The following ZNF827 variants were observed in gnomAD, a reference collection of about 807,000 sequenced individuals.
The protein encoded by ZNF827 is zinc finger protein 827.
In ZNF827, 13 loss-of-function variants were observed where a neutral mutation model predicts 102.4. The observed-to-expected ratio is 0.13, with a 90% CI of 0.08 to 0.20. The LOEUF is 0.20. Ranked by LOEUF, ZNF827 falls within the 10% of genes least tolerant of loss-of-function variation. The pLI is 1.00. For missense variants in ZNF827, 1,103 were observed against 1,344.4 expected, an observed-to-expected ratio of 0.82 and a Z score of 2.81; for synonymous variants, 523 against 536.2, an observed-to-expected ratio of 0.98 and a Z score of 0.34.
At chr4:145,905,293 T>C (rs1341744514) in intron 1 of ZNF827, among the ~76,000 whole-genome samples, 1 of 152,188 alleles carries the variant, frequency 6.6e-6, no homozygotes, top group Non-Finnish European at 1.5e-5. Context: ...GAAATAGAAG[T>C]AACTAGAACT....
At chr4:145,794,058 C>T (rs1186744981) in intron 8 of ZNF827, among the ~76,000 whole-genome samples, 4 of 152,178 alleles carry the variant, frequency 2.6e-5, no homozygotes, top group African/African-American at 9.7e-5. Flanking sequence ...CAGAACTAAT[C>T]GGTCTTCAAC....
At chr4:145,869,837 T>C (rs1408665937) in intron 5 of ZNF827, among the ~76,000 whole-genome samples, 2 of 152,194 alleles carry the variant, frequency 1.3e-5, no homozygotes, top group Non-Finnish European at 2.9e-5. Context: ...TTAAGAAAAA[T>C]ATTTGTAATG....
intron 8 of ZNF827, among the ~76,000 whole-genome samples, chr4:145,803,412 A>G (rs1741110133): frequency 1.3e-5 from 2 of 152,176 alleles, no homozygotes; most frequent in South Asian, 4.2e-4. Flanking sequence ...GCTGGTTACC[A>G]CCAAGAGGCT....
intron 1 of ZNF827, among the ~76,000 whole-genome samples, chr4:145,907,850 A>C (rs1751990808): frequency 6.6e-6 from 1 of 152,250 alleles, no homozygotes; most frequent in African/African-American, 2.4e-5. Flanking sequence ...TCAGAAACAC[A>C]AAGAATTAAG....
At chr4:145,901,161 CATT>C (rs1751378493) in intron 2 of ZNF827, among the ~76,000 whole-genome samples, 1 of 152,202 alleles carries the variant, frequency 6.6e-6, no homozygotes, top group African/African-American at 2.4e-5. Context: ...CCCTCTTCAT[CATT>C]GTTGCTGAAA....
At chr4:145,827,287 T>C (rs551475556) in intron 7 of ZNF827, among the ~76,000 whole-genome samples, 1 of 151,934 alleles carries the variant, frequency 6.6e-6, no homozygotes, top group South Asian at 2.1e-4. Context: ...TTGCAACAAA[T>C]GGAGAAAAGG....
intron 8 of ZNF827, among the ~76,000 whole-genome samples, chr4:145,822,002 G>A (rs142418907): frequency 6.6e-6 from 1 of 152,270 alleles, no homozygotes; most frequent in Non-Finnish European, 1.5e-5. Flanking sequence ...ACATTAGAAA[G>A]TCACAATCCA....
At chr4:145,898,978 A>G (rs1751194202) in intron 2 of ZNF827, among the ~76,000 whole-genome samples, 1 of 152,114 alleles carries the variant, frequency 6.6e-6, no homozygotes, top group African/African-American at 2.4e-5. Flanking sequence ...CTTTTTAAAA[A>G]TGAAAGCCCT....
chr4:145,773,841 G>C (rs1441023730), intron 11 of ZNF827, among the ~76,000 whole-genome samples: 1 of 152,154 alleles, frequency 6.6e-6, no homozygotes, highest in African/African-American at 2.4e-5. Context: ...AGTTTCACTG[G>C]AGAGGAACAG....
At chr4:145,918,332 CAAAAA>C (rs34428145) in intron 1 of ZNF827, among the ~76,000 whole-genome samples, 4 of 22,142 alleles carry the variant, frequency 1.8e-4, no homozygotes, top group Non-Finnish European at 2.9e-4. Context: ...TAGCTCAAGG[CAAAAA>C]AAAAAAAAAA....
Position 145,885,901 on chromosome 4 carries a change from C to T in ZNF827, c.1524G>A (p.Glu508=). 1 of 1,614,238 alleles carries T rather than the reference C, an allele frequency of 6.2e-7. No individual in the cohort carries two copies. The highest frequency in any genetic ancestry group is 1.6e-4 in the Middle Eastern group (1 of 6,062). The change falls in exon 4 of 15, where the codon GAG becomes GAA. Residue 508 remains glutamate (E), a synonymous_variant. Transcript: ENST00000508784. The part of the protein sequence containing the change: ...VGTMMTSNTP[E]RTSQGGAGVS... The stretch of plus-strand genomic sequence containing the variant: ...CGCCAGCCCCTCCCTGGCTAGTCCT[C>T]TCTGGAGTGTTAGACGTCATCATGG...
At chr4:145,865,455 C>G (rs1664753418) in intron 5 of ZNF827, among the ~76,000 whole-genome samples, 1 of 152,108 alleles carries the variant, frequency 6.6e-6, no homozygotes, top group African/African-American at 2.4e-5. Context: ...GTCAGAATCG[C>G]TAGGAGGGCT....
chr4:145,823,429 T>A lies in ZNF827; in HGVS notation c.2376A>T (p.Ser792=). The change falls in exon 8 of 15, where the codon TCA becomes TCT. Residue 792 remains serine, a synonymous_variant. Transcript: ENST00000508784. The part of the protein sequence containing the change: ...PSDSVLHGRI[S]APETEKIVLE... Reference sequence around the variant, plus strand: ...CCAACAATGTTTCCATACCTGGAGCTGATATTCTTCCGTGCAGCACGGAGT... The same window carrying A: ...CCAACAATGTTTCCATACCTGGAGCAGATATTCTTCCGTGCAGCACGGAGT... 1 of 1,613,332 alleles carries A rather than the reference T, an allele frequency of 6.2e-7. No homozygotes were observed. Among genetic ancestry groups the A allele is most frequent in the East Asian group, 2.2e-5 (1 of 44,866 alleles).
intron 5 of ZNF827, among the ~76,000 whole-genome samples, chr4:145,865,427 G>A (rs1453754530): frequency 6.6e-6 from 1 of 152,190 alleles, no homozygotes; most frequent in African/African-American, 2.4e-5. Context: ...TCAGCACAGT[G>A]CTTCTCAAAC....
At chr4:145,856,981 GCA>G (rs1393453187) in intron 5 of ZNF827, among the ~76,000 whole-genome samples, 2 of 83,226 alleles carry the variant, frequency 2.4e-5, no homozygotes, top group African/African-American at 8.8e-5. Context: ...GCGCGCACGC[GCA>G]CGCACACACA....
rs1745274037 is a variant in ZNF827, at chr4:145,840,161, A to G, written c.2279+5795T>C. Reference sequence around the variant, plus strand: ...GTGTGTGTGTATCTCCATTGTTTTCAAGGATCAGTTTTAATTTCTTTGAAA... The same window carrying G: ...GTGTGTGTGTATCTCCATTGTTTTCGAGGATCAGTTTTAATTTCTTTGAAA... On this transcript the variant is annotated intron_variant, in intron 7 of 14. Transcript: ENST00000508784. Among the ~76,000 whole-genome samples, 3 of 152,236 alleles carry G rather than the reference A, an allele frequency of 2.0e-5. No homozygotes were observed. In the South Asian group the frequency reaches 6.2e-4, roughly 32 times the overall value.
intron 9 of ZNF827, 134 bp from the exon 10 acceptor site, chr4:145,776,094 C>A (rs1482936498): frequency 3.0e-6 from 3 of 988,538 alleles, no homozygotes; most frequent in South Asian, 1.6e-5. Context: ...ATGGTAATGC[C>A]TAGGAATTGT....
chr4:145,931,552 G>A (rs1753807674), intron 1 of ZNF827, among the ~76,000 whole-genome samples: 1 of 152,012 alleles, frequency 6.6e-6, no homozygotes, highest in Non-Finnish European at 1.5e-5. Flanking sequence ...AATCCTTAAC[G>A]CCCCCTAAAG....
intron 1 of ZNF827, among the ~76,000 whole-genome samples, chr4:145,906,169 C>A (rs1347419471): frequency 6.6e-6 from 1 of 152,190 alleles, no homozygotes; most frequent in Non-Finnish European, 1.5e-5. Context: ...TCTCAGCTGG[C>A]CCAATGCTTC....
Sources: allele counts gnomAD v4.1 joint callset (sites outside exome capture counted in the v4.1 genomes callset), GRCh38; gene constraint gnomAD v4.1.1; transcripts MANE v1.5; gene names NCBI Gene and HGNC (gene_info 2026-07-23, HGNC 2026-07-21).